ZNF669: variants seen among roughly 807,000 people sequenced by gnomAD.
ZNF669 encodes zinc finger protein 669.
ZNF669 carries 7 observed loss-of-function variants against 11.4 expected under a neutral mutation model. The observed-to-expected ratio is 0.62, with a 90% CI of 0.35 to 1.16. The LOEUF (loss-of-function observed/expected upper bound fraction) is 1.16, where lower values mean the gene tolerates loss of function less well. ZNF669 is among the 50% of genes most tolerant of loss of function. The probability of loss-of-function intolerance (pLI) is 0.02; values close to 1 mark genes in which losing one functional copy is unlikely to be tolerated. For synonymous variants in ZNF669, 153 were observed against 155.8 expected (o/e 0.98, Z 0.13); for missense variants, 492 against 463.6 (o/e 1.06, Z -0.56).
In ZNF669 at chr1:247,100,239, C is replaced by T. The variant is rs1463848502; in HGVS notation, c.*135G>A. On this transcript the variant is annotated 3_prime_UTR_variant, in exon 4 of 4. Transcript: ENST00000448299. ...GACCTCGTGATCCACCCGCCTCGGC[C>T]TCCCAAAGTGCTGGGATTACAGGCG... The T allele has an allele frequency of 3.2e-6, 2 of 623,090 alleles. No individual in the cohort carries two copies. The highest frequency in any genetic ancestry group is 5.5e-6 in the Non-Finnish European group (2 of 364,174). 38.6% of individuals were successfully genotyped at this position (623,090 alleles called of 1,614,324 possible).
Position 247,100,248 on chromosome 1 carries a change from T to A in ZNF669, c.*126A>T. ...ATCCACCCGCCTCGGCCTCCCAAAG[T>A]GCTGGGATTACAGGCGTAAGCCACC... On this transcript the variant is annotated 3_prime_UTR_variant, in exon 4 of 4. Transcript: ENST00000448299. 3.1e-6 allele frequency: 2 copies of A among 648,398 alleles called. No homozygotes were observed. The highest frequency in any genetic ancestry group is 5.2e-6 in the Non-Finnish European group (2 of 384,788). The allele number at this position is 648,398 out of a possible 1,614,324, so 40.2% of individuals were successfully genotyped here.
chr1:247,101,073 A>C lies in ZNF669; in HGVS notation c.438T>G (p.Val146=). The C allele has an allele frequency of 6.2e-7, 1 of 1,614,048 alleles. No homozygotes were observed. The highest frequency in any genetic ancestry group is 8.5e-7 in the Non-Finnish European group (1 of 1,180,020). Residue 146 remains valine (V), a synonymous_variant, in exon 4 of 4, where the codon GTT becomes GTG. Transcript: ENST00000448299. ...TGTGTCTTCTAACACCTGGAACAGA[A>C]ACGAAGAATTTCCCACACTGTTCAC... ...YKCEQCGKFF[V]SVPGVRRHMI... is the part of the protein sequence containing the mutation.
At chr1:247,103,408 C>A (rs1269471382) in intron 1 of ZNF669, among the ~76,000 whole-genome samples, 1 of 152,002 alleles carries the variant, frequency 6.6e-6, no homozygotes, top group Admixed American at 6.6e-5. Context: ...CCGAGACGGG[C>A]GGATCACTTA....
rs758803929 is a variant in ZNF669 at position 247,103,921 on chromosome 1, C to T, written c.3+276G>A. On this transcript the variant is annotated intron_variant, in intron 1 of 3. Transcript: ENST00000448299. Reference sequence around the variant, plus strand: ...GTCGGGGCTCTCCCGCATCACCCTCCCGTGGTCACCACACTACCTGGATAG... The same window carrying T: ...GTCGGGGCTCTCCCGCATCACCCTCTCGTGGTCACCACACTACCTGGATAG... 83 of 1,585,368 alleles carry T rather than the reference C, an allele frequency of 5.2e-5. 1 individual carries two copies. In the East Asian group the frequency reaches 1.8e-3, roughly 34 times the overall value.
chr1:247,104,035 C>CGCCCG (rs745950025), intron 1 of ZNF669, 162 bp downstream of exon 1: 7 of 1,585,930 alleles, frequency 4.4e-6, no homozygotes, highest in Non-Finnish European at 6.0e-6. Flanking sequence ...CTGCCCGCCC[C>CGCCCG]GCCCGGCCCG....
Position 247,100,938 on chromosome 1 carries a change from G to T in ZNF669, c.573C>A (p.Pro191=). The stretch of plus-strand genomic sequence containing the variant: ...CTTTACCACATTGTTTACATTTATA[G>T]GGTTTTTCTCCTGTGTGAGTTCTCT... The part of the protein sequence containing the change: ...RHQRTHTGEK[P]YKCKQCGKAF... Residue 191 remains proline (P), a synonymous_variant, in exon 4 of 4, where the codon CCC becomes CCA. Coordinates refer to ENST00000448299, the MANE Select transcript of ZNF669 (RefSeq NM_001142572.2). 1 of 1,613,624 alleles carries T rather than the reference G, an allele frequency of 6.2e-7. No individual in the cohort carries two copies. Among genetic ancestry groups the T allele is most frequent in the Non-Finnish European group, 8.5e-7 (1 of 1,179,932 alleles).
chr1:247,101,296 C>T lies in ZNF669; in HGVS notation c.215G>A (p.Cys72Tyr). Residue 72 changes from cysteine to tyrosine, a missense_variant, in exon 4 of 4, where the codon TGT becomes TAT. Transcript: ENST00000448299. The part of the protein sequence containing the change: ...DIRNHIVQRL[C>Y]ESKEDGQYGE... ...ATACTGACCATCTTCTTTACTTTCACACAGTCTCTGTACGATATGATTTCT... is the reference window on the plus strand; with the variant it reads ...ATACTGACCATCTTCTTTACTTTCATACAGTCTCTGTACGATATGATTTCT... 9 of 1,599,996 alleles carry T rather than the reference C, an allele frequency of 5.6e-6. No homozygotes were observed. The highest frequency in any genetic ancestry group is 7.7e-6 in the Non-Finnish European group (9 of 1,173,692).
chr1:247,103,995 C>T, intron 1 of ZNF669: 4 of 1,602,828 alleles, frequency 2.5e-6, no homozygotes, highest in Non-Finnish European at 3.4e-6. Context: ...AAGTGGCGCC[C>T]GCAGGTACAG....
At position 247,104,297 on chromosome 1, in the gene ZNF669, C is replaced by G; in HGVS notation, c.-98G>C. On this transcript the variant is annotated 5_prime_UTR_variant, in exon 1 of 4. Transcript: ENST00000448299. Reference sequence around the variant, plus strand: ...CTGCTGCAGAGCCACCTGGGCCTCCCAGAGCCAAGAACTAGCAGCGGAGAC... The same window carrying G: ...CTGCTGCAGAGCCACCTGGGCCTCCGAGAGCCAAGAACTAGCAGCGGAGAC... 2 of 1,412,256 alleles carry G rather than the reference C, an allele frequency of 1.4e-6. No homozygotes were observed. Among genetic ancestry groups the G allele is most frequent in the Non-Finnish European group, 1.9e-6 (2 of 1,078,598 alleles). 87.5% of individuals were successfully genotyped at this position (1,412,256 alleles called of 1,614,324 possible).
rs766100510 is a variant in ZNF669, at chr1:247,102,055, A to G, written c.62T>C (p.Leu21Pro). The change falls in exon 2 of 4, where the codon CTA becomes CCA. Residue 21 changes from leucine to proline, a missense_variant. Transcript: ENST00000448299. ...GTAGAGATTCTTCTGAGAAGAATCT[A>G]GCAAAGCCCATTCCTCCTGGGTAAA... ...VNFTQEEWAL[L>P]DSSQKNLYRE... 6.2e-7 allele frequency: 1 copy of G among 1,613,444 alleles called. No homozygotes were observed. The highest frequency in any genetic ancestry group is 1.1e-5 in the South Asian group (1 of 90,952).
At position 247,102,031 on chromosome 1, in the gene ZNF669, T is replaced by C. The variant is rs1019704850; in HGVS notation, c.86A>G (p.Tyr29Cys). ...ALLDSSQKNL[Y>C]REVMQETCRN... ...GCAGGTTTCCTGCATCACTTCTCTG[T>C]AGAGATTCTTCTGAGAAGAATCTAG... is the stretch of plus-strand genomic sequence containing the variant. The change falls in exon 2 of 4, where the codon TAC becomes TGC. Residue 29 changes from tyrosine (Y) to cysteine (C), a missense_variant. Coordinates refer to ENST00000448299, the MANE Select transcript of ZNF669 (RefSeq NM_001142572.2). The C allele has an allele frequency of 4.3e-6, 7 of 1,613,688 alleles. No homozygotes were observed. In the Admixed American group the frequency reaches 1.2e-4, roughly 27 times the overall value.
intron 1 of ZNF669, chr1:247,103,970 G>A: frequency 6.2e-7 from 1 of 1,604,492 alleles, no homozygotes; most frequent in Non-Finnish European, 8.5e-7. Context: ...TTCCCGACAG[G>A]GCTCCGGCCG....
rs1671736427 is a variant in ZNF669, at chr1:247,102,064, CA to C, written c.52del (p.Trp18GlyfsTer4). 1.2e-6 allele frequency: 2 copies of C among 1,613,296 alleles called. No individual in the cohort carries two copies. Among genetic ancestry groups the C allele is most frequent in the Non-Finnish European group, 1.7e-6 (2 of 1,179,628 alleles). Reference protein sequence around the residue: ...DVAVNFTQEEWALLDSSQKNL... With the variant: ...DVAVNFTQEEXALLDSSQKNL... ...CTTCTGAGAAGAATCTAGCAAAGCC[CA>C]TTCCTCCTGGGTAAAGTTCACAGCC... On this transcript the variant is annotated frameshift_variant, in exon 2 of 4. Transcript: ENST00000448299. LOFTEE classifies it high-confidence loss of function.
At position 247,100,660 on chromosome 1, in the gene ZNF669, G is replaced by A. The variant is rs1270708363; in HGVS notation, c.851C>T (p.Ala284Val). 1.2e-6 allele frequency: 2 copies of A among 1,614,032 alleles called. No individual in the cohort carries two copies. Among genetic ancestry groups the A allele is most frequent in the African/African-American group, 1.3e-5 (1 of 75,054 alleles). Residue 284 changes from alanine to valine, a missense_variant, in exon 4 of 4, where the codon GCC (alanine) becomes GTC (valine). Coordinates refer to ENST00000448299, the MANE Select transcript of ZNF669 (RefSeq NM_001142572.2). Reference protein sequence around the residue: ...RPYECKQCGKAFSRLSSLCNH... With the variant: ...RPYECKQCGKVFSRLSSLCNH... ...ACAAAGGGAACTCAAACGACTAAAG[G>A]CTTTGCCACATTGTTTACACTCATA...
In ZNF669 at chr1:247,101,996, C is replaced by A. The variant is rs1671734820; in HGVS notation, c.121G>T (p.Ala41Ser). Reference protein sequence around the residue: ...EVMQETCRNLASVGSQWKDQN... With the variant: ...EVMQETCRNLSSVGSQWKDQN... ...GTGTTGTCATTCTTACCTACAGAAG[C>A]CAGGTTCCTGCAGGTTTCCTGCATC... The change falls in exon 2 of 4, where the codon GCT becomes TCT. Residue 41 changes from alanine to serine, a missense_variant. By Grantham distance (99) the Ala-to-Ser change is moderately conservative (BLOSUM62 1). Coordinates refer to ENST00000448299, the MANE Select transcript of ZNF669 (RefSeq NM_001142572.2). 1 of 1,614,002 alleles carries A rather than the reference C, an allele frequency of 6.2e-7. No individual in the cohort carries two copies. The highest frequency in any genetic ancestry group is 8.5e-7 in the Non-Finnish European group (1 of 1,179,948).
rs369144326 is a variant in ZNF669, at chr1:247,101,160, G to A, written c.351C>T (p.Leu117=). The part of the protein sequence containing the change: ...ICGKVFVRHS[L]LNRHILAHSG... The stretch of plus-strand genomic sequence containing the variant: ...AGTGAGCTAGGATATGCCTATTAAG[G>A]AGGGAATGACGTACAAAGACTTTTC... The change falls in exon 4 of 4, where the codon CTC becomes CTT. Residue 117 remains leucine, a synonymous_variant. Transcript: ENST00000448299. 3 of 1,614,114 alleles carry A rather than the reference G, an allele frequency of 1.9e-6. No individual in the cohort carries two copies. The highest frequency in any genetic ancestry group is 2.2e-5 in the East Asian group (1 of 44,858).
At chr1:247,102,240 C>T in intron 1 of ZNF669, 127 bp from the exon 2 acceptor site, 1 of 1,153,896 alleles carries the variant, frequency 8.7e-7, no homozygotes, top group Non-Finnish European at 1.2e-6. Flanking sequence ...ACTTGATTGT[C>T]ACAACTCTTA....
chr1:247,104,101 G>T, intron 1 of ZNF669, 96 bp downstream of exon 1: 1 of 1,596,536 alleles, frequency 6.3e-7, no homozygotes. Flanking sequence ...CGGTCCGCAG[G>T]TTCCGGAGCC....
Position 247,100,944 on chromosome 1 carries a change from T to C in ZNF669, c.567A>G (p.Glu189=). ...CACATTGTTTACATTTATAGGGTTT[T>C]TCTCCTGTGTGAGTTCTCTGATGTC... The part of the protein sequence containing the change: ...VERHQRTHTG[E]KPYKCKQCGK... The change falls in exon 4 of 4, where the codon GAA becomes GAG. Residue 189 remains glutamate, a synonymous_variant. Transcript: ENST00000448299. The C allele has an allele frequency of 6.2e-7, 1 of 1,613,618 alleles. No individual in the cohort carries two copies.
Sources: gnomAD v4.1 joint callset for allele counts (sites outside exome capture counted in the v4.1 genomes callset) on GRCh38, gnomAD v4.1.1 for gene constraint, MANE v1.5 for transcripts, NCBI Gene and HGNC (gene_info 2026-07-23, HGNC 2026-07-21) for gene names.